EPHA6: variants seen among roughly 807,000 people sequenced by gnomAD.
EPHA6 encodes EPH receptor A6.
EPHA6 carries 50 observed loss-of-function variants against 112.0 expected under a neutral mutation model. The ratio of observed to expected loss-of-function variants is 0.45; its 90% CI spans 0.36 to 0.56. EPHA6 has a LOEUF of 0.56. Ranked by LOEUF, EPHA6 falls within the 20% of genes least tolerant of loss-of-function variation. The pLI, the probability that EPHA6 is intolerant of heterozygous loss-of-function variation, is 0.00. For synonymous variants in EPHA6, 529 were observed against 490.7 expected, an observed-to-expected ratio of 1.08 and a Z score of -1.03; for missense variants, 1,280 against 1,417.4, an observed-to-expected ratio of 0.90 and a Z score of 1.56.
At chr3:97,284,590 A>T (rs1021340665) in intron 5 of EPHA6, among the ~76,000 whole-genome samples, 3 of 152,156 alleles carry the variant, frequency 2.0e-5, no homozygotes, top group African/African-American at 7.2e-5. Context: ...CAAACACGTG[A>T]CTGCTGATTT....
At chr3:97,461,004 C>T (rs2090869921) in intron 7 of EPHA6, among the ~76,000 whole-genome samples, 1 of 152,068 alleles carries the variant, frequency 6.6e-6, no homozygotes, top group Non-Finnish European at 1.5e-5. Flanking sequence ...GAGTATCTGC[C>T]TCCTAATGTG....
At chr3:96,930,663 C>A (rs1045460466) in intron 2 of EPHA6, among the ~76,000 whole-genome samples, 1 of 151,994 alleles carries the variant, frequency 6.6e-6, no homozygotes, top group Non-Finnish European at 1.5e-5. Flanking sequence ...GAGGCCTCAC[C>A]CAGTCAAGGG....
intron 14 of EPHA6, among the ~76,000 whole-genome samples, chr3:97,654,023 T>C (rs1047866637): frequency 6.6e-6 from 1 of 151,706 alleles, no homozygotes; most frequent in Non-Finnish European, 1.5e-5. Context: ...GGGTACTAAG[T>C]TTTAGTTAGG....
At chr3:96,918,023 T>C (rs1409542226) in intron 2 of EPHA6, among the ~76,000 whole-genome samples, 1 of 152,160 alleles carries the variant, frequency 6.6e-6, no homozygotes, top group Non-Finnish European at 1.5e-5. Flanking sequence ...TAAAAAATCA[T>C]GAAAAATTAC....
intron 7 of EPHA6, among the ~76,000 whole-genome samples, chr3:97,471,253 C>A (rs2091220733): frequency 6.6e-6 from 1 of 151,668 alleles, no homozygotes; most frequent in African/African-American, 2.4e-5. Context: ...TTACATTTTC[C>A]CAAATTCCCT....
At chr3:97,405,053 C>T in intron 5 of EPHA6, 97 bp from the exon 6 acceptor site, 2 of 1,393,246 alleles carry the variant, frequency 1.4e-6, no homozygotes, top group African/African-American at 1.5e-5. Context: ...TCCTCTTCAA[C>T]AAGAATTTTA....
At chr3:97,721,680 G>T (rs913858273) in intron 15 of EPHA6, among the ~76,000 whole-genome samples, 6 of 152,120 alleles carry the variant, frequency 3.9e-5, no homozygotes, top group Admixed American at 1.3e-4. Flanking sequence ...CTCCACCCCC[G>T]CAACACTTAG....
chr3:97,641,088 TAATC>T (rs1361606131), intron 14 of EPHA6, among the ~76,000 whole-genome samples: 2 of 152,200 alleles, frequency 1.3e-5, no homozygotes, highest in Non-Finnish European at 1.5e-5. Flanking sequence ...GAGATGCTGT[TAATC>T]AAGACAGAGA....
rs1019325304 is a variant in EPHA6 at position 97,015,332 on chromosome 3, G to A, written c.1114+27339G>A. The stretch of plus-strand genomic sequence containing the variant: ...TTTTGTCCAGCTCTGTCATTAAGTA[G>A]GGCCTATAAGCAGTAGTGGAACTTT... On this transcript the variant is annotated intron_variant, in intron 3 of 17. Transcript: ENST00000389672. 1.2e-3 allele frequency among the ~76,000 whole-genome samples: 184 copies of A among 152,248 alleles called. 1 individual carries two copies. Among genetic ancestry groups the A allele is most frequent in the African/African-American group, 4.2e-3 (175 of 41,546 alleles).
intron 4 of EPHA6, 49 bp from the exon 5 acceptor site, chr3:97,243,903 A>T: frequency 1.5e-6 from 2 of 1,374,038 alleles, no homozygotes; most frequent in Non-Finnish European, 2.0e-6. Flanking sequence ...TAGCGCCATA[A>T]TTCATTGTCC....
At chr3:97,419,026 C>G (rs1391632306) in intron 6 of EPHA6, among the ~76,000 whole-genome samples, 2 of 152,148 alleles carry the variant, frequency 1.3e-5, no homozygotes, top group African/African-American at 4.8e-5. Context: ...TTAACAGGGC[C>G]AGGCACTGTG....
chr3:97,157,142 A>G (rs1352261276), intron 3 of EPHA6, among the ~76,000 whole-genome samples: 1 of 152,164 alleles, frequency 6.6e-6, no homozygotes, highest in Admixed American at 6.5e-5. Context: ...TAGTGTTTTC[A>G]TGAAGTGCTT....
chr3:97,712,912 A>G lies in EPHA6; in HGVS notation c.2785-7349A>G, dbSNP rs79747449. 0.02 allele frequency among the ~76,000 whole-genome samples: 3,090 copies of G among 152,296 alleles called. 178 individuals carry two copies. In the East Asian group the frequency reaches 0.24, roughly 12 times the overall value. ...GGAGGAGGAGAGTCTTTCCATAGTT[A>G]AGAATTTTTTTAGCAAGTAGAAAAC... On this transcript the variant is annotated intron_variant, in intron 14 of 17. Coordinates refer to ENST00000389672, the MANE Select transcript of EPHA6 (RefSeq NM_001080448.3).
In EPHA6 at chr3:97,517,182, G is replaced by T. The variant is rs147120522; in HGVS notation, c.2201-15176G>T. On this transcript the variant is annotated intron_variant, in intron 10 of 17. Transcript: ENST00000389672. ...TCAAATAACCAAAAAGTGTTGTGTAGTAAGTATATTAATACTCTCAAGCCA... is the reference window on the plus strand; with the variant it reads ...TCAAATAACCAAAAAGTGTTGTGTATTAAGTATATTAATACTCTCAAGCCA... Among the ~76,000 whole-genome samples, 679 of 152,232 alleles carry T rather than the reference G, an allele frequency of 4.5e-3. 8 individuals carry two copies. The highest frequency in any genetic ancestry group is 0.015 in the African/African-American group (623 of 41,566).
At chr3:97,182,178 G>A (rs2077007186) in intron 3 of EPHA6, among the ~76,000 whole-genome samples, 1 of 151,666 alleles carries the variant, frequency 6.6e-6, no homozygotes, top group South Asian at 2.1e-4. Context: ...TGTCAGTTTG[G>A]CTTCTATTTC....
At chr3:97,025,414 T>C (rs995378448) in intron 3 of EPHA6, among the ~76,000 whole-genome samples, 2 of 152,114 alleles carry the variant, frequency 1.3e-5, no homozygotes, top group African/African-American at 4.8e-5. Context: ...GCCAGATGCA[T>C]AGTTACTAAA....
At position 97,680,153 on chromosome 3, in the gene EPHA6, A is replaced by C. The variant is rs1250759601; in HGVS notation, c.2785-40108A>C. On this transcript the variant is annotated intron_variant, in intron 14 of 17. Coordinates refer to ENST00000389672, the MANE Select transcript of EPHA6 (RefSeq NM_001080448.3). ...TTCCTTCTATCCTGCTCAGATCTGC[A>C]AACAACTCAAATACAAACGTAGTGG... 2.0e-5 allele frequency among the ~76,000 whole-genome samples: 3 copies of C among 152,204 alleles called. No homozygotes were observed. In the East Asian group the frequency reaches 5.8e-4, roughly 29 times the overall value.
At chr3:97,746,883 T>C (rs1489911429) in intron 16 of EPHA6, among the ~76,000 whole-genome samples, 1 of 151,918 alleles carries the variant, frequency 6.6e-6, no homozygotes, top group Admixed American at 6.6e-5. Context: ...AATGATAAAT[T>C]ATTATTGAAT....
chr3:97,533,857 T>C (rs867002269), intron 11 of EPHA6, among the ~76,000 whole-genome samples: 2 of 152,094 alleles, frequency 1.3e-5, no homozygotes, highest in Non-Finnish European at 2.9e-5. Context: ...GAATGCAGCC[T>C]TGTGAGTGAA....
Sources: allele counts gnomAD v4.1 joint callset (sites outside exome capture counted in the v4.1 genomes callset), GRCh38; gene constraint gnomAD v4.1.1; transcripts MANE v1.5; gene names NCBI Gene and HGNC (gene_info 2026-07-23, HGNC 2026-07-21).